IGF2BP1: variants seen among roughly 807,000 people sequenced by gnomAD.
The protein encoded by IGF2BP1 is insulin-like growth factor 2 mRNA-binding protein 1.
Under a neutral mutation model 74.9 loss-of-function variants are expected in IGF2BP1, and 11 were observed. The ratio of observed to expected loss-of-function variants is 0.15; its 90% confidence interval spans 0.09 to 0.24. The LOEUF (loss-of-function observed/expected upper bound fraction) is 0.24, where lower values mean the gene tolerates loss of function less well. IGF2BP1 is among the 10% of genes least tolerant of loss of function. The pLI is 1.00. For missense variants in IGF2BP1, 440 were observed against 757.4 expected, an observed-to-expected ratio of 0.58 and a Z score of 4.92; for synonymous variants, 287 against 281.8, an observed-to-expected ratio of 1.02 and a Z score of -0.18.
intron 9 of IGF2BP1, among the ~76,000 whole-genome samples, chr17:49,042,594 T>C (rs1474646229): frequency 6.6e-6 from 1 of 152,194 alleles, no homozygotes; most frequent in Non-Finnish European, 1.5e-5. Context: ...TCTTGGGCTT[T>C]GAGTCCTGTG....
chr17:49,054,108 C>G lies in IGF2BP1; in HGVS notation c.*4664C>G, dbSNP rs753234171. On this transcript the variant is annotated 3_prime_UTR_variant, in exon 15 of 15. Transcript: ENST00000290341. ...TTTCCTTTGGATACATAAGGCTTCT[C>G]TATCGGGGTACGGGACAGGGAGGAG... 4 of 152,700 alleles carry G rather than the reference C, an allele frequency of 2.6e-5. No individual in the cohort carries two copies. The highest frequency in any genetic ancestry group is 5.9e-5 in the Non-Finnish European group (4 of 68,078). 9.5% of individuals were successfully genotyped at this position (152,700 alleles called of 1,614,324 possible). A position where few individuals can be genotyped will look rare whatever the true frequency, so the allele number is the denominator to read the frequency against.
rs758305338 is a variant in IGF2BP1 at position 49,041,379 on chromosome 17, G to T, written c.820G>T (p.Ala274Ser). 2.5e-6 allele frequency: 4 copies of T among 1,613,856 alleles called. No homozygotes were observed. In the South Asian group the frequency reaches 4.4e-5, roughly 18 times the overall value. ...CACTTCTTCCTTTGTCTTCCCAAGG[G>T]CTGACGAGGTTCCCCTGAAGATCCT... is the stretch of plus-strand genomic sequence containing the variant. ...MHKEAKDTKT[A>S]DEVPLKILAH... Residue 274 changes from alanine (A) to serine (S), a missense_variant and splice_region_variant, in exon 8 of 15, where the codon GCT becomes TCT. Transcript: ENST00000290341.
intron 2 of IGF2BP1, among the ~76,000 whole-genome samples, chr17:49,007,918 TC>T (rs748354805): frequency 6.6e-6 from 1 of 152,184 alleles, no homozygotes; most frequent in Middle Eastern, 3.2e-3. Flanking sequence ...ACGCCTGTAA[TC>T]CCAGCACTTT....
chr17:49,010,112 A>G (rs1189049546), intron 2 of IGF2BP1, among the ~76,000 whole-genome samples: 1 of 152,104 alleles, frequency 6.6e-6, no homozygotes, highest in Non-Finnish European at 1.5e-5. Flanking sequence ...AACAAAAAAC[A>G]TTCACATTGT....
chr17:48,997,515 C>T lies in IGF2BP1; in HGVS notation c.-231C>T. 3 of 516,534 alleles carry T rather than the reference C, an allele frequency of 5.8e-6. No individual in the cohort carries two copies. The highest frequency in any genetic ancestry group is 3.4e-5 in the East Asian group (1 of 29,168). The allele number at this position is 516,534 out of a possible 1,614,324, so 32.0% of individuals were successfully genotyped here. A position where few individuals can be genotyped will look rare whatever the true frequency, so the allele number is the denominator to read the frequency against. ...GAAGCTGCGCCGTGTCGTCCGTCTC[C>T]CTGCGCGCCGCGGGCACTTCTCCTG... On this transcript the variant is annotated 5_prime_UTR_variant, in exon 1 of 15. Transcript: ENST00000290341. The surrounding 1 kb of genome is among the most constrained non-coding windows in gnomAD (Gnocchi z 4.8).
intron 3 of IGF2BP1, chr17:49,026,248 C>T (rs1334266313): frequency 8.3e-6 from 4 of 479,656 alleles, no homozygotes; most frequent in Non-Finnish European, 1.5e-5. Flanking sequence ...AGGTCTGCTT[C>T]CCAAAAGGCC....
At chr17:48,999,675 A>G (rs970060950) in intron 2 of IGF2BP1, among the ~76,000 whole-genome samples, 1 of 151,828 alleles carries the variant, frequency 6.6e-6, no homozygotes, top group Non-Finnish European at 1.5e-5. Flanking sequence ...TACTTTATTT[A>G]TATTTCTACA....
At chr17:49,014,809 T>G (rs2041673503) in intron 2 of IGF2BP1, 9 of 985,282 alleles carry the variant, frequency 9.1e-6, no homozygotes, top group Non-Finnish European at 1.1e-5. Flanking sequence ...AGCACGGGGA[T>G]GTCTGCCGGG....
intron 2 of IGF2BP1, chr17:49,015,090 A>C: frequency 4.6e-6 from 1 of 218,948 alleles, no homozygotes; most frequent in Non-Finnish European, 7.7e-6. Context: ...ATGCAACCTC[A>C]GCCTCCCGAG....
At chr17:49,013,647 G>C (rs2041651580) in intron 2 of IGF2BP1, 1 of 152,264 alleles carries the variant, frequency 6.6e-6, no homozygotes, top group Non-Finnish European at 1.5e-5. Flanking sequence ...CAGGGAGGTC[G>C]GGTCTGGATT....
At chr17:49,019,955 T>TACACAC (rs61213607) in intron 2 of IGF2BP1, among the ~76,000 whole-genome samples, 19 of 78,452 alleles carry the variant, frequency 2.4e-4, no homozygotes, top group African/African-American at 1.1e-3. Flanking sequence ...TATATTTATA[T>TACACAC]ACACACACAC....
At chr17:49,000,756 C>T (rs1260159022) in intron 2 of IGF2BP1, among the ~76,000 whole-genome samples, 1 of 152,082 alleles carries the variant, frequency 6.6e-6, no homozygotes, top group Non-Finnish European at 1.5e-5. Context: ...AATAGCAAAA[C>T]GTGATGAAAT....
chr17:49,034,115 C>CTT (rs762314265), intron 5 of IGF2BP1, among the ~76,000 whole-genome samples: 1,826 of 118,338 alleles, frequency 0.015, 85 homozygotes, highest in African/African-American at 0.052. Context: ...TGATTTGCCC[C>CTT]TTTTTTTTTT....
chr17:49,024,695 G>A (rs1370707513), intron 2 of IGF2BP1, among the ~76,000 whole-genome samples: 1 of 152,042 alleles, frequency 6.6e-6, no homozygotes, highest in Non-Finnish European at 1.5e-5. Context: ...TGGAGCATAG[G>A]TTTAAATCCA....
rs372600823 is a variant in IGF2BP1, at chr17:49,045,116, G to A, written c.1395+51G>A. 8 of 1,520,246 alleles carry A rather than the reference G, an allele frequency of 5.3e-6. No homozygotes were observed. In the African/African-American group the frequency reaches 1.1e-4, roughly 21 times the overall value. 94.2% of individuals were successfully genotyped at this position (1,520,246 alleles called of 1,614,324 possible). A position where few individuals can be genotyped will look rare whatever the true frequency, so the allele number is the denominator to read the frequency against. Reference sequence around the variant, plus strand: ...CTGAACATGGAGGAATTGAGGTTGGGTATTTCCCCTGAGGTAGGAAAAAGG... The same window carrying A: ...CTGAACATGGAGGAATTGAGGTTGGATATTTCCCCTGAGGTAGGAAAAAGG... On this transcript the variant is annotated intron_variant, in intron 12 of 14. Coordinates refer to ENST00000290341, the MANE Select transcript of IGF2BP1 (RefSeq NM_006546.4).
intron 2 of IGF2BP1, among the ~76,000 whole-genome samples, chr17:49,003,168 A>AT (rs1291228946): frequency 6.6e-6 from 1 of 152,198 alleles, no homozygotes; most frequent in Admixed American, 6.5e-5. Context: ...TGTTTCAGAG[A>AT]TTAAATACAT....
chr17:49,019,955 T>TACACACAC (rs61213607), intron 2 of IGF2BP1, among the ~76,000 whole-genome samples: 2 of 78,466 alleles, frequency 2.5e-5, no homozygotes, highest in African/African-American at 1.2e-4. Context: ...TATATTTATA[T>TACACACAC]ACACACACAC....
intron 6 of IGF2BP1, 52 bp from the exon 7 acceptor site, chr17:49,039,905 A>G: frequency 6.3e-7 from 1 of 1,599,154 alleles, no homozygotes; most frequent in Non-Finnish European, 8.5e-7. Context: ...GGGAGCCTGA[A>G]GTACTGGTAT....
intron 5 of IGF2BP1, chr17:49,036,464 A>G (rs2041989435): frequency 6.6e-6 from 1 of 151,828 alleles, no homozygotes; most frequent in South Asian, 2.1e-4. Context: ...AAAATAAAAA[A>G]ATAAAAAATA....
Sources: gnomAD v4.1 joint callset for allele counts (sites outside exome capture counted in the v4.1 genomes callset) on GRCh38, gnomAD v4.1.1 for gene constraint, Gnocchi (gnomAD v3.1) non-coding constraint, MANE v1.5 for transcripts, NCBI Gene and HGNC (gene_info 2026-07-23, HGNC 2026-07-21) for gene names.